Variants in SLX4IP observed in about 807,000 individuals in gnomAD.
SLX4IP encodes the protein SLX4 interacting protein.
SLX4IP carries 34 observed loss-of-function variants against 32.9 expected under a neutral mutation model. The observed-to-expected ratio is 1.03, with a 90% CI of 0.79 to 1.38. The LOEUF (loss-of-function observed/expected upper bound fraction) is 1.38. Among genes scored for constraint, SLX4IP ranks in the 40% most tolerant of loss-of-function variants. The probability of loss-of-function intolerance (pLI) is 0.00; values close to 1 mark genes in which losing one functional copy is unlikely to be tolerated. For synonymous variants in SLX4IP, 172 were observed against 171.7 expected (o/e 1.00, Z -0.01); for missense variants, 444 against 479.0 (o/e 0.93, Z 0.68).
chr20:10,486,984 A>G (rs2065580065), intron 2 of SLX4IP, among the ~76,000 whole-genome samples: 1 of 151,806 alleles, frequency 6.6e-6, no homozygotes, highest in Non-Finnish European at 1.5e-5. Context: ...TCATTTGATC[A>G]ATTGATTCTG....
At chr20:10,507,642 A>T (rs188959731) in intron 2 of SLX4IP, among the ~76,000 whole-genome samples, 1 of 152,274 alleles carries the variant, frequency 6.6e-6, no homozygotes, top group Admixed American at 6.5e-5. Flanking sequence ...CCAGGAAAGC[A>T]GTCAGTATTT....
At chr20:10,545,859 T>G (rs1192406771) in intron 2 of SLX4IP, among the ~76,000 whole-genome samples, 1 of 152,208 alleles carries the variant, frequency 6.6e-6, no homozygotes, top group African/African-American at 2.4e-5. Context: ...CCAACCTAGA[T>G]GTTGATTACT....
chr20:10,574,731 G>T (rs1445092020), intron 4 of SLX4IP, among the ~76,000 whole-genome samples: 1 of 152,074 alleles, frequency 6.6e-6, no homozygotes, highest in Non-Finnish European at 1.5e-5. Flanking sequence ...AGGCTGGAGT[G>T]GTGCAATCTC....
rs1164503401 is a variant in SLX4IP, at chr20:10,556,154, G to A, written c.28-77G>A. Reference sequence around the variant, plus strand: ...CATTTCATCATGAGCAACCACATAGGAATTTGTGAGATTTTCTCTCATTGT... The same window carrying A: ...CATTTCATCATGAGCAACCACATAGAAATTTGTGAGATTTTCTCTCATTGT... On this transcript the variant is annotated intron_variant, in intron 2 of 7. Transcript: ENST00000334534. 8.1e-6 allele frequency: 11 copies of A among 1,355,870 alleles called. No homozygotes were observed. The African/African-American group carries it at 1.2e-4, about 14-fold the overall frequency. The allele number at this position is 1,355,870 out of a possible 1,614,324, so 84.0% of individuals were successfully genotyped here. A position where few individuals can be genotyped will look rare whatever the true frequency, so the allele number is the denominator to read the frequency against.
intron 2 of SLX4IP, among the ~76,000 whole-genome samples, chr20:10,510,600 ATTT>A (rs1568715927): frequency 3.0e-5 from 4 of 132,656 alleles, no homozygotes; most frequent in Non-Finnish European, 6.5e-5. Flanking sequence ...TATTATTATT[ATTT>A]TTATTATTTT....
intron 1 of SLX4IP, among the ~76,000 whole-genome samples, chr20:10,443,732 C>T (rs1244960970): frequency 1.3e-5 from 2 of 152,112 alleles, no homozygotes; most frequent in Non-Finnish European, 2.9e-5. Flanking sequence ...AATTGTAACC[C>T]CCAGTGTTGG....
At chr20:10,566,887 G>A (rs1568744748) in intron 4 of SLX4IP, among the ~76,000 whole-genome samples, 1 of 152,288 alleles carries the variant, frequency 6.6e-6, no homozygotes, top group East Asian at 1.9e-4. Flanking sequence ...GACATACAGG[G>A]CACATCCAAA....
intron 1 of SLX4IP, among the ~76,000 whole-genome samples, chr20:10,436,314 AG>A (rs1568679947): frequency 6.6e-6 from 1 of 152,106 alleles, no homozygotes; most frequent in Non-Finnish European, 1.5e-5. Flanking sequence ...TTAAAGTTCA[AG>A]GAACATTGAT....
At chr20:10,445,144 T>C (rs2065191461) in intron 1 of SLX4IP, among the ~76,000 whole-genome samples, 1 of 152,072 alleles carries the variant, frequency 6.6e-6, no homozygotes, top group Non-Finnish European at 1.5e-5. Flanking sequence ...TGGTTGGATG[T>C]TGCACAGTGG....
intron 2 of SLX4IP, among the ~76,000 whole-genome samples, chr20:10,487,717 C>T (rs1427206639): frequency 2.6e-5 from 4 of 152,076 alleles, no homozygotes; most frequent in African/African-American, 7.2e-5. Flanking sequence ...CTGAGATGCT[C>T]GAGAGGGCGG....
chr20:10,445,561 C>T lies in SLX4IP; in HGVS notation c.-30+10108C>T, dbSNP rs568587755. The stretch of plus-strand genomic sequence containing the variant: ...TGAACTCCTGACCTCATGATCCGCC[C>T]GCCTCAGCCTCCCAAAGTGCTGGGA... On this transcript the variant is annotated intron_variant, in intron 1 of 7. Coordinates refer to ENST00000334534, the MANE Select transcript of SLX4IP (RefSeq NM_001009608.3). Among the ~76,000 whole-genome samples the T allele has an allele frequency of 3.3e-3, 497 of 150,970 alleles. 2 individuals are homozygous for T. Among genetic ancestry groups the T allele is most frequent in the African/African-American group, 0.011 (451 of 41,078 alleles).
intron 3 of SLX4IP, among the ~76,000 whole-genome samples, chr20:10,557,882 T>C (rs2066284622): frequency 6.6e-6 from 1 of 152,162 alleles, no homozygotes; most frequent in Non-Finnish European, 1.5e-5. Flanking sequence ...TAGTACCTAC[T>C]TGAGGGCAGC....
At chr20:10,503,533 C>T (rs1254317937) in intron 2 of SLX4IP, among the ~76,000 whole-genome samples, 1 of 152,212 alleles carries the variant, frequency 6.6e-6, no homozygotes, top group African/African-American at 2.4e-5. Context: ...CTTTGCTTTC[C>T]TCTGAAAGGC....
intron 1 of SLX4IP, among the ~76,000 whole-genome samples, chr20:10,454,413 GTC>G (rs1055629682): frequency 6.4e-5 from 7 of 109,554 alleles, no homozygotes; most frequent in African/African-American, 1.9e-4. Context: ...GCAGAGGAAG[GTC>G]TCTGTATTTG....
chr20:10,581,080 G>T (rs1287353387), intron 4 of SLX4IP, among the ~76,000 whole-genome samples: 1 of 152,040 alleles, frequency 6.6e-6, no homozygotes, highest in Non-Finnish European at 1.5e-5. Context: ...CTGTGTTGAG[G>T]AGAGAGCTGA....
At chr20:10,534,148 G>T (rs945699045) in intron 2 of SLX4IP, among the ~76,000 whole-genome samples, 1 of 152,070 alleles carries the variant, frequency 6.6e-6, no homozygotes. Flanking sequence ...GTGGGTAGGG[G>T]TAAACAGGGC....
chr20:10,517,632 CAG>C (rs1403879836), intron 2 of SLX4IP, among the ~76,000 whole-genome samples: 1 of 152,144 alleles, frequency 6.6e-6, no homozygotes, highest in African/African-American at 2.4e-5. Context: ...TAAATTGGAA[CAG>C]GGGCTAATTG....
chr20:10,441,268 T>C (rs1452132164), intron 1 of SLX4IP, among the ~76,000 whole-genome samples: 1 of 152,058 alleles, frequency 6.6e-6, no homozygotes, highest in Admixed American at 6.6e-5. Flanking sequence ...AAACCTCATC[T>C]CTACAAAAAA....
At position 10,498,798 on chromosome 20, in the gene SLX4IP, A is replaced by G. The variant is rs529245215; in HGVS notation, c.27+40567A>G. 2.0e-5 allele frequency among the ~76,000 whole-genome samples: 3 copies of G among 151,656 alleles called. No homozygotes were observed. The East Asian group carries it at 5.8e-4, about 29-fold the overall frequency. ...GATTCAGATTTTTAATATCCATATT[A>G]AAATTCTTTTTGAAAATCCTCTAAT... On this transcript the variant is annotated intron_variant, in intron 2 of 7. Transcript: ENST00000334534.
Sources: gnomAD v4.1 joint callset for allele counts (sites outside exome capture counted in the v4.1 genomes callset) on GRCh38, gnomAD v4.1.1 for gene constraint, MANE v1.5 for transcripts, NCBI Gene and HGNC (gene_info 2026-07-23, HGNC 2026-07-21) for gene names.